Variants in VWA5B1 observed in about 807,000 individuals in gnomAD.
VWA5B1 encodes the protein von Willebrand factor A domain containing 5B1.
Under a neutral mutation model 118.2 loss-of-function variants are expected in VWA5B1, and 115 were observed. That is an observed-to-expected ratio of 0.97 (90% CI 0.84 to 1.14). VWA5B1 has a LOEUF of 1.14. VWA5B1 is among the 50% of genes most tolerant of loss of function. The pLI is 0.00. For synonymous variants in VWA5B1, 682 were observed against 658.4 expected (o/e 1.04, Z -0.55); for missense variants, 1,596 against 1,603.8 (o/e 1.00, Z 0.08).
At chr1:20,317,734 C>G (rs940381109) in intron 5 of VWA5B1, 59 bp downstream of exon 5, 6 of 1,322,860 alleles carry the variant, frequency 4.5e-6, no homozygotes, top group South Asian at 1.4e-5. Context: ...CAAAGGCTGC[C>G]AGGGATGGGA....
At chr1:20,345,715 A>G in intron 17 of VWA5B1, 122 bp downstream of exon 17, 1 of 1,354,312 alleles carries the variant, frequency 7.4e-7, no homozygotes, top group Non-Finnish European at 9.7e-7. Context: ...AGGGCCTAGA[A>G]GCAGAAAGGC....
chr1:20,346,964 C>T (rs575252310), intron 17 of VWA5B1, among the ~76,000 whole-genome samples: 7 of 152,218 alleles, frequency 4.6e-5, no homozygotes, highest in South Asian at 2.1e-4. Flanking sequence ...TCAGGCTGTT[C>T]GCTTATTCAT....
Position 20,323,503 on chromosome 1 carries a change from A to G in VWA5B1, c.1114A>G (p.Met372Val), listed in dbSNP as rs770131014. 1.3e-6 allele frequency: 2 copies of G among 1,517,126 alleles called. No homozygotes were observed. Among genetic ancestry groups the G allele is most frequent in the South Asian group, 2.5e-5 (2 of 78,642 alleles). The allele number at this position is 1,517,126 out of a possible 1,614,324, so 94.0% of individuals were successfully genotyped here. A position where few individuals can be genotyped will look rare whatever the true frequency, so the allele number is the denominator to read the frequency against. Residue 372 changes from methionine (M) to valine (V), a missense_variant, in exon 8 of 22, where the codon ATG (methionine) becomes GTG (valine). By Grantham distance (21) the Met-to-Val change is conservative (BLOSUM62 1). Coordinates refer to ENST00000289815, the MANE Select transcript of VWA5B1 (RefSeq NM_001039500.3). ...CTTCCTCATTGACAGGAGCAGCAGC[A>G]TGAGCGGGATCAGCATGCACCGAGT... ...FIFLIDRSSSMSGISMHRVKD... is the reference protein window; with the variant it reads ...FIFLIDRSSSVSGISMHRVKD...
chr1:20,319,319 GC>G, intron 6 of VWA5B1, 62 bp from the exon 7 acceptor site: 1 of 1,536,908 alleles, frequency 6.5e-7, no homozygotes, highest in Non-Finnish European at 8.8e-7. Flanking sequence ...CTAAACCAAA[GC>G]CCCCAGCATC....
intron 1 of VWA5B1, among the ~76,000 whole-genome samples, chr1:20,303,912 G>A (rs1385615217): frequency 1.3e-5 from 2 of 152,246 alleles, no homozygotes; most frequent in Non-Finnish European, 2.9e-5. Flanking sequence ...GAAATAGCAG[G>A]CTTTGGAGTC....
At chr1:20,339,915 CA>C (rs2089829803) in intron 14 of VWA5B1, among the ~76,000 whole-genome samples, 1 of 152,172 alleles carries the variant, frequency 6.6e-6, no homozygotes, top group Non-Finnish European at 1.5e-5. Flanking sequence ...TGCCATCCAT[CA>C]AAAGATATTT....
intron 14 of VWA5B1, chr1:20,338,639 C>T (rs1233419501): frequency 6.5e-6 from 1 of 154,368 alleles, no homozygotes; most frequent in Non-Finnish European, 1.4e-5. Context: ...AAGCGATTCT[C>T]CTGCCTCAGC....
At chr1:20,294,340 G>T (rs986151930) in intron 1 of VWA5B1, 1 of 152,294 alleles carries the variant, frequency 6.6e-6, no homozygotes, top group Non-Finnish European at 1.5e-5. Flanking sequence ...TGGCCCCAAG[G>T]ATGAGCCTGC....
rs141753351 is a variant in VWA5B1, at chr1:20,303,993, G to C, written c.-26-6583G>C. The stretch of plus-strand genomic sequence containing the variant: ...GCTTTTGGACCTCCATCTGAACCTG[G>C]AAATTGGGAGTAGATGTATTAGCAA... On this transcript the variant is annotated intron_variant, in intron 1 of 21. Coordinates refer to ENST00000289815, the MANE Select transcript of VWA5B1 (RefSeq NM_001039500.3). Among the ~76,000 whole-genome samples the C allele has an allele frequency of 5.3e-3, 801 of 152,314 alleles. 2 individuals carry two copies. The highest frequency in any genetic ancestry group is 8.1e-3 in the Non-Finnish European group (548 of 68,024).
intron 8 of VWA5B1, among the ~76,000 whole-genome samples, chr1:20,326,794 A>G (rs1220010760): frequency 1.3e-5 from 2 of 152,058 alleles, no homozygotes; most frequent in Non-Finnish European, 2.9e-5. Flanking sequence ...AGGTTTTGCA[A>G]TCCAGGGCAA....
chr1:20,343,451 C>T (rs2089932927), intron 16 of VWA5B1, 58 bp downstream of exon 16: 10 of 1,455,502 alleles, frequency 6.9e-6, no homozygotes, highest in Middle Eastern at 2.3e-4. Flanking sequence ...CAGCCCCGCT[C>T]CACAGCCGCT....
Position 20,357,188 on chromosome 1 carries a change from G to C in VWA5B1, c.*2925G>C, listed in dbSNP as rs1019485638. On this transcript the variant is annotated 3_prime_UTR_variant, in exon 22 of 22. Coordinates refer to ENST00000289815, the MANE Select transcript of VWA5B1 (RefSeq NM_001039500.3). ...GGAAAAACACTGAGCTGAGAGTTGA[G>C]GAACCCAAGCATGGGTCCCAACTCC... 6.6e-6 allele frequency among the ~76,000 whole-genome samples: 1 copy of C among 152,188 alleles called. No homozygotes were observed. The highest frequency in any genetic ancestry group is 1.5e-5 in the Non-Finnish European group (1 of 68,032).
chr1:20,320,639 T>C (rs1420277626), intron 7 of VWA5B1, among the ~76,000 whole-genome samples: 1 of 152,228 alleles, frequency 6.6e-6, no homozygotes, highest in African/African-American at 2.4e-5. Context: ...GAGAATTAAC[T>C]TGCCACCTTG....
intron 1 of VWA5B1, among the ~76,000 whole-genome samples, chr1:20,292,014 G>A (rs184375622): frequency 7.9e-5 from 12 of 152,218 alleles, no homozygotes; most frequent in African/African-American, 1.9e-4. Context: ...AGAGCAACAG[G>A]CGTCACACCA....
At chr1:20,312,025 AG>A (rs913296569) in intron 2 of VWA5B1, among the ~76,000 whole-genome samples, 2 of 152,200 alleles carry the variant, frequency 1.3e-5, no homozygotes, top group African/African-American at 2.4e-5. Flanking sequence ...TGAGGCCCAG[AG>A]GGAGCGGAGG....
rs199975900 is a variant in VWA5B1 at position 20,348,327 on chromosome 1, G to C, written c.2847G>C (p.Thr949=). 3.2e-6 allele frequency: 5 copies of C among 1,551,640 alleles called. No homozygotes were observed. Among genetic ancestry groups the C allele is most frequent in the Non-Finnish European group, 4.4e-6 (5 of 1,147,010 alleles). Residue 949 remains threonine (T), a synonymous_variant, in exon 18 of 22, where the codon ACG becomes ACC. Transcript: ENST00000289815. ...CTTCTGGCTTTGGAAGGCCGCAGAC[G>C]ATGCTTGGAGAAGATTCGGCACCAG... ...GTSSGFGRPQ[T]MLGEDSAPGN...
chr1:20,346,461 T>TA (rs1471201190), intron 17 of VWA5B1, among the ~76,000 whole-genome samples: 2 of 152,258 alleles, frequency 1.3e-5, no homozygotes, highest in Non-Finnish European at 2.9e-5. Flanking sequence ...ATTTGGTTAT[T>TA]GTAAATTATA....
intron 7 of VWA5B1, among the ~76,000 whole-genome samples, chr1:20,320,935 G>A (rs542738916): frequency 2.6e-5 from 4 of 152,220 alleles, no homozygotes; most frequent in African/African-American, 9.6e-5. Context: ...ACGTGGGAGA[G>A]AGACAGCGAG....
At chr1:20,330,069 T>G in intron 9 of VWA5B1, 111 bp from the exon 10 acceptor site, 1 of 1,248,344 alleles carries the variant, frequency 8.0e-7, no homozygotes, top group Non-Finnish European at 1.1e-6. Flanking sequence ...GGAGCATGGG[T>G]CAACTCTGGT....
Sources: gnomAD v4.1 joint callset for allele counts (sites outside exome capture counted in the v4.1 genomes callset) on GRCh38, gnomAD v4.1.1 for gene constraint, MANE v1.5 for transcripts, NCBI Gene and HGNC (gene_info 2026-07-23, HGNC 2026-07-21) for gene names.